Variants in LRIG1 observed in about 807,000 individuals in gnomAD.
LRIG1 encodes leucine rich repeats and immunoglobulin like domains 1, also known as leucine-rich repeats and immunoglobulin-like domains protein 1.
LRIG1 carries 48 observed loss-of-function variants against 99.2 expected under a neutral mutation model. That is an observed-to-expected ratio of 0.48 (90% CI 0.38 to 0.62). LRIG1 has a LOEUF of 0.62. Ranked by LOEUF, LRIG1 falls within the 20% of genes least tolerant of loss-of-function variation. LRIG1 has a pLI of 0.00. For missense variants in LRIG1, 1,646 were observed against 1,434.4 expected, an observed-to-expected ratio of 1.15 and a Z score of -2.38; for synonymous variants, 772 against 596.1, an observed-to-expected ratio of 1.29 and a Z score of -4.30.
intron 3 of LRIG1, among the ~76,000 whole-genome samples, chr3:66,448,593 G>GT (rs1168402599): frequency 8.5e-5 from 13 of 152,108 alleles, no homozygotes; most frequent in Non-Finnish European, 1.6e-4. Context: ...AAAAAGTAAC[G>GT]TATGTATCCC....
chr3:66,396,825 C>T (rs554169642), intron 11 of LRIG1, among the ~76,000 whole-genome samples: 24 of 152,234 alleles, frequency 1.6e-4, no homozygotes, highest in Non-Finnish European at 3.4e-4. Flanking sequence ...CTCCTGTGCC[C>T]CACCGCTTGT....
At chr3:66,463,213 A>C (rs534900235) in intron 1 of LRIG1, among the ~76,000 whole-genome samples, 31 of 152,340 alleles carry the variant, frequency 2.0e-4, no homozygotes, top group African/African-American at 7.5e-4. Context: ...AAAATTGCAC[A>C]AATAGTCAAA....
At chr3:66,436,079 G>C (rs1190899672) in intron 3 of LRIG1, among the ~76,000 whole-genome samples, 2 of 152,218 alleles carry the variant, frequency 1.3e-5, no homozygotes, top group African/African-American at 4.8e-5. Context: ...ATTTAGGAAA[G>C]GGCTGAGGGC....
intron 3 of LRIG1, among the ~76,000 whole-genome samples, chr3:66,435,956 C>G (rs17832271): frequency 0.061 from 9,241 of 152,298 alleles, 358 homozygotes; most frequent in South Asian, 0.15. Context: ...TTCAAACCAG[C>G]AGAAACTTAC....
At chr3:66,401,939 A>G (rs1222878062) in intron 9 of LRIG1, among the ~76,000 whole-genome samples, 1 of 152,052 alleles carries the variant, frequency 6.6e-6, no homozygotes, top group Non-Finnish European at 1.5e-5. Context: ...GGGTCCTTGT[A>G]CTCATGTCCT....
intron 4 of LRIG1, among the ~76,000 whole-genome samples, chr3:66,415,573 T>C (rs1326051847): frequency 6.6e-6 from 1 of 152,212 alleles, no homozygotes; most frequent in East Asian, 1.9e-4. Flanking sequence ...TTCATTTCTG[T>C]AATTGTAAAT....
chr3:66,405,079 G>A (rs1702212485), intron 9 of LRIG1, 119 bp downstream of exon 9: 1 of 826,864 alleles, frequency 1.2e-6, no homozygotes, highest in African/African-American at 1.7e-5. Context: ...CCAAACAAAA[G>A]CCAGCTCCTC....
At chr3:66,418,517 G>A (rs533341739) in intron 3 of LRIG1, among the ~76,000 whole-genome samples, 40 of 152,300 alleles carry the variant, frequency 2.6e-4, no homozygotes, top group African/African-American at 7.5e-4. Flanking sequence ...TGGGTTTGGC[G>A]CCGCCTGGCA....
chr3:66,413,978 A>G (rs925606295), intron 5 of LRIG1, among the ~76,000 whole-genome samples: 1 of 152,240 alleles, frequency 6.6e-6, no homozygotes. Context: ...AGGAAAAAAA[A>G]AAATCAGGGA....
chr3:66,448,736 T>C (rs1003017866), intron 3 of LRIG1, among the ~76,000 whole-genome samples: 1 of 152,160 alleles, frequency 6.6e-6, no homozygotes, highest in Non-Finnish European at 1.5e-5. Flanking sequence ...AGACATTTGC[T>C]CTATTCTCTC....
chr3:66,406,182 C>T (rs1702263117), intron 8 of LRIG1: 1 of 985,314 alleles, frequency 1.0e-6, no homozygotes, highest in Non-Finnish European at 1.2e-6. Context: ...CTGGCGGTGA[C>T]CTTTCTTGTC....
intron 3 of LRIG1, among the ~76,000 whole-genome samples, chr3:66,428,629 G>A (rs1184259302): frequency 2.6e-5 from 4 of 152,186 alleles, no homozygotes; most frequent in African/African-American, 7.2e-5. Context: ...AAGTGAATGC[G>A]GAAGAGCTTT....
intron 3 of LRIG1, among the ~76,000 whole-genome samples, chr3:66,421,632 G>A (rs777551365): frequency 4.6e-5 from 7 of 152,146 alleles, no homozygotes; most frequent in Non-Finnish European, 1.0e-4. Context: ...TTTTCCAGGT[G>A]CCCGGTGCAA....
rs11365007 is a variant in LRIG1, at chr3:66,446,851, C to CA, written c.365+4707dup. ...TAACATGAGAGAAAAATGCTTTCCT[C>CA]AAAAAAAAAAAAATTAGTTTTCAAA... On this transcript the variant is annotated intron_variant, in intron 3 of 18. Coordinates refer to ENST00000273261, the MANE Select transcript of LRIG1 (RefSeq NM_015541.3). Among the ~76,000 whole-genome samples the CA allele has an allele frequency of 4.3e-3, 540 of 125,878 alleles. 1 individual carries two copies. Among genetic ancestry groups the CA allele is most frequent in the African/African-American group, 9.2e-3 (293 of 32,012 alleles). 82.6% of individuals were successfully genotyped at this position (125,878 alleles called of 152,430 possible).
rs571854798 is a variant in LRIG1, at chr3:66,414,201, T to C, written c.647+719A>G. Among the ~76,000 whole-genome samples, 4 of 152,076 alleles carry C rather than the reference T, an allele frequency of 2.6e-5. No homozygotes were observed. In the South Asian group the frequency reaches 8.3e-4, roughly 32 times the overall value. ...TCACGAGGTCAGGAGATCGAGACCA[T>C]CCTGGGTAACAAGGTGAAACCCCAT... On this transcript the variant is annotated intron_variant, in intron 5 of 18. Coordinates refer to ENST00000273261, the MANE Select transcript of LRIG1 (RefSeq NM_015541.3).
chr3:66,435,899 C>A (rs1256296094), intron 3 of LRIG1, among the ~76,000 whole-genome samples: 4 of 152,080 alleles, frequency 2.6e-5, no homozygotes, highest in African/African-American at 9.7e-5. Context: ...TGGGGGAGTT[C>A]CCAGTGGAAT....
chr3:66,444,761 G>A (rs948076052), intron 3 of LRIG1, among the ~76,000 whole-genome samples: 1 of 152,168 alleles, frequency 6.6e-6, no homozygotes, highest in African/African-American at 2.4e-5. Flanking sequence ...AGGGCATGAG[G>A]TTTTATCCAG....
At chr3:66,495,407 T>C (rs1701203671) in intron 1 of LRIG1, among the ~76,000 whole-genome samples, 1 of 152,186 alleles carries the variant, frequency 6.6e-6, no homozygotes, top group African/African-American at 2.4e-5. Context: ...GGGTTTCAAA[T>C]TGCAGTCACT....
In LRIG1 at chr3:66,495,907, G is replaced by A. The variant is rs78091643; in HGVS notation, c.218+4283C>T. 2.1e-3 allele frequency among the ~76,000 whole-genome samples: 324 copies of A among 152,276 alleles called. 3 individuals carry two copies. The highest frequency in any genetic ancestry group is 0.011 in the East Asian group (57 of 5,176). ...TTTCATTGTGATCATGGTGTCTGAG[G>A]GAGAGAAAGGTCAGCCAGAGGCCGT... On this transcript the variant is annotated intron_variant, in intron 1 of 18. Transcript: ENST00000273261.
Sources: gnomAD v4.1 joint callset for allele counts (sites outside exome capture counted in the v4.1 genomes callset) on GRCh38, gnomAD v4.1.1 for gene constraint, MANE v1.5 for transcripts, NCBI Gene and HGNC (gene_info 2026-07-23, HGNC 2026-07-21) for gene names.